The following ATP8A2 variants were observed in gnomAD, a reference collection of about 807,000 sequenced individuals.
ATP8A2 encodes phospholipid-transporting ATPase IB.
ATP8A2 carries 100 observed loss-of-function variants against 165.6 expected under a neutral mutation model. The ratio of observed to expected loss-of-function variants is 0.60; its 90% confidence interval spans 0.51 to 0.71. The LOEUF is 0.71. ATP8A2 is among the 30% of genes least tolerant of loss of function. The pLI is 0.00. For synonymous variants in ATP8A2, 543 were observed against 548.8 expected (o/e 0.99, Z 0.15); for missense variants, 1,227 against 1,479.5 (o/e 0.83, Z 2.80).
chr13:25,630,077 G>GTC (rs2041201613), intron 24 of ATP8A2, among the ~76,000 whole-genome samples: 1 of 115,808 alleles, frequency 8.6e-6, no homozygotes, highest in Non-Finnish European at 1.7e-5. Context: ...ACACCTTTTT[G>GTC]TCCCCCCCCC....
At chr13:25,448,469 A>G (rs1482317099) in intron 1 of ATP8A2, among the ~76,000 whole-genome samples, 1 of 152,220 alleles carries the variant, frequency 6.6e-6, no homozygotes, top group Admixed American at 6.5e-5. Context: ...GATCATTCTA[A>G]TATTTAATCT....
Position 25,530,619 on chromosome 13 carries a change from AT to A in ATP8A2, c.383del (p.Leu128Ter). On this transcript the variant is annotated frameshift_variant, in exon 4 of 37. Transcript: ENST00000381655. LOFTEE classifies it high-confidence loss of function. ...TACCACCCTGGTGCCATTGATCATT[AT>A]TTTAACAATTGCAGGCATCAAAGAG... ...RYTTLVPLII[I>X]LTIAGIKEIV... The A allele has an allele frequency of 6.3e-7, 1 of 1,594,514 alleles. No individual in the cohort carries two copies. Among genetic ancestry groups the A allele is most frequent in the Non-Finnish European group, 8.6e-7 (1 of 1,167,720 alleles).
chr13:25,646,376 C>G (rs1261268193), intron 24 of ATP8A2, among the ~76,000 whole-genome samples: 1 of 151,968 alleles, frequency 6.6e-6, no homozygotes, highest in East Asian at 1.9e-4. Flanking sequence ...TAGGGCTGGG[C>G]AAGGTGGCTC....
rs1463670053 is a variant in ATP8A2, at chr13:25,901,681, CAAAG to C, written c.3183+39277_3183+39280del. On this transcript the variant is annotated intron_variant, in intron 33 of 36. Coordinates refer to ENST00000381655, the MANE Select transcript of ATP8A2 (RefSeq NM_016529.6). The stretch of plus-strand genomic sequence containing the variant: ...ACATGCTTAAAATTGGCGCTGATAA[CAAAG>C]AAACTACTATGAATGGCTGAGGTTT... Among the ~76,000 whole-genome samples, 6 of 150,870 alleles carry C rather than the reference CAAAG, an allele frequency of 4.0e-5. No homozygotes were observed. The East Asian group carries it at 1.2e-3, about 29-fold the overall frequency.
chr13:25,954,740 A>G (rs1955478478), intron 33 of ATP8A2, among the ~76,000 whole-genome samples: 1 of 152,224 alleles, frequency 6.6e-6, no homozygotes, highest in Non-Finnish European at 1.5e-5. Context: ...ACTCCAGCAG[A>G]CCTGCAGCAG....
intron 25 of ATP8A2, among the ~76,000 whole-genome samples, chr13:25,744,264 G>T (rs985973405): frequency 1.3e-5 from 2 of 151,966 alleles, no homozygotes; most frequent in African/African-American, 2.4e-5. Flanking sequence ...TTCTTTGGCG[G>T]CTGCTTCACT....
chr13:25,573,590 A>G (rs1308457256), intron 18 of ATP8A2, among the ~76,000 whole-genome samples: 1 of 152,188 alleles, frequency 6.6e-6, no homozygotes, highest in Admixed American at 6.5e-5. Context: ...ATTCCTACAT[A>G]TTTACATGAA....
At chr13:25,682,387 A>C (rs1383050232) in intron 24 of ATP8A2, among the ~76,000 whole-genome samples, 1 of 152,162 alleles carries the variant, frequency 6.6e-6, no homozygotes, top group South Asian at 2.1e-4. Context: ...TTCCAGCCTA[A>C]GAGGCTGGAG....
intron 33 of ATP8A2, among the ~76,000 whole-genome samples, chr13:25,889,037 A>G (rs905982126): frequency 1.4e-4 from 21 of 152,170 alleles, no homozygotes; most frequent in African/African-American, 5.1e-4. Context: ...CAAGAAGCAA[A>G]CAATGTGAGT....
chr13:25,679,959 T>C (rs900967027), intron 24 of ATP8A2, among the ~76,000 whole-genome samples: 2 of 152,196 alleles, frequency 1.3e-5, no homozygotes, highest in East Asian at 3.9e-4. Flanking sequence ...AGCTGAGGAA[T>C]ACCAGTCTAG....
chr13:25,967,734 A>AC (rs1216078248), intron 34 of ATP8A2, among the ~76,000 whole-genome samples: 1 of 152,116 alleles, frequency 6.6e-6, no homozygotes, highest in Non-Finnish European at 1.5e-5. Flanking sequence ...ACTGTTTCCA[A>AC]CTAGTAGCTA....
intron 1 of ATP8A2, among the ~76,000 whole-genome samples, chr13:25,386,866 G>A (rs768908263): frequency 1.9e-4 from 29 of 151,168 alleles, no homozygotes; most frequent in South Asian, 1.0e-3. Flanking sequence ...GCGTGGTGGC[G>A]GGCACCTGTA....
intron 15 of ATP8A2, among the ~76,000 whole-genome samples, chr13:25,560,067 A>C (rs555711279): frequency 6.6e-6 from 1 of 152,098 alleles, no homozygotes; most frequent in African/African-American, 2.4e-5. Flanking sequence ...GCCTCAAGCT[A>C]TCCTCCCGCT....
intron 33 of ATP8A2, among the ~76,000 whole-genome samples, chr13:25,959,033 TC>T (rs1438372404): frequency 2.0e-5 from 3 of 152,216 alleles, no homozygotes; most frequent in African/African-American, 7.2e-5. Context: ...CCTGCATGTA[TC>T]CCCACAAGTA....
At chr13:25,376,207 C>A (rs1367667293) in intron 1 of ATP8A2, among the ~76,000 whole-genome samples, 6 of 152,244 alleles carry the variant, frequency 3.9e-5, no homozygotes, top group Non-Finnish European at 8.8e-5. Context: ...TCATTGCCCA[C>A]CTGCCTAGTT....
At chr13:25,768,082 G>GT (rs1472415928) in intron 25 of ATP8A2, among the ~76,000 whole-genome samples, 1 of 136,200 alleles carries the variant, frequency 7.3e-6, no homozygotes, top group African/African-American at 2.6e-5. Context: ...GGCGTGGGGG[G>GT]GGGGTGGTGG....
chr13:25,450,528 T>TTGTG (rs10562123), intron 1 of ATP8A2, among the ~76,000 whole-genome samples: 25 of 150,628 alleles, frequency 1.7e-4, no homozygotes, highest in African/African-American at 5.1e-4. Flanking sequence ...TGACTGGTCT[T>TTGTG]TGTGTGTGTG....
intron 25 of ATP8A2, among the ~76,000 whole-genome samples, chr13:25,703,695 A>T (rs965368763): frequency 1.3e-5 from 2 of 152,184 alleles, no homozygotes; most frequent in Non-Finnish European, 2.9e-5. Context: ...AAAAGACCAC[A>T]TATTATATGA....
rs557152201 is a variant in ATP8A2, at chr13:25,512,870, G to A, written c.222-17129G>A. Among the ~76,000 whole-genome samples the A allele has an allele frequency of 1.2e-3, 168 of 135,386 alleles. 1 individual carries two copies. The highest frequency in any genetic ancestry group is 1.9e-3 in the Non-Finnish European group (122 of 62,704). 88.8% of individuals were successfully genotyped at this position (135,386 alleles called of 152,430 possible). A position where few individuals can be genotyped will look rare whatever the true frequency, so the allele number is the denominator to read the frequency against. On this transcript the variant is annotated intron_variant, in intron 2 of 36. Coordinates refer to ENST00000381655, the MANE Select transcript of ATP8A2 (RefSeq NM_016529.6). ...CCAGTAGGGGCGGCCAGGCAGAGGC[G>A]CCCCTCACCTCCCGGACGGGGTGGC...
Sources: allele counts gnomAD v4.1 joint callset (sites outside exome capture counted in the v4.1 genomes callset), GRCh38; gene constraint gnomAD v4.1.1; transcripts MANE v1.5; gene names NCBI Gene and HGNC (gene_info 2026-07-23, HGNC 2026-07-21).